The following RNF144A variants were observed in gnomAD, a reference collection of about 807,000 sequenced individuals.
RNF144A encodes the protein E3 ubiquitin-protein ligase RNF144A.
A neutral mutation model predicts 38.7 loss-of-function variants in RNF144A; 11 were observed. The observed-to-expected ratio is 0.28, with a 90% CI of 0.18 to 0.47. RNF144A has a LOEUF of 0.47. Ranked by LOEUF, RNF144A falls within the 20% of genes least tolerant of loss-of-function variation. The probability of loss-of-function intolerance (pLI) is 0.99; values close to 1 mark genes in which losing one functional copy is unlikely to be tolerated. For synonymous variants in RNF144A, 149 were observed against 143.9 expected (o/e 1.04, Z -0.25); for missense variants, 316 against 377.2 (o/e 0.84, Z 1.34).
chr2:6,942,620 T>C (rs1448480533), intron 2 of RNF144A, among the ~76,000 whole-genome samples: 1 of 152,158 alleles, frequency 6.6e-6, no homozygotes, highest in Non-Finnish European at 1.5e-5. Flanking sequence ...CACTTTAGTT[T>C]GAGTAACTAG....
At chr2:7,001,971 A>G (rs2103399140) in intron 3 of RNF144A, among the ~76,000 whole-genome samples, 1 of 152,338 alleles carries the variant, frequency 6.6e-6, no homozygotes, top group Admixed American at 6.5e-5. Context: ...ATGGGTATAA[A>G]GTATTGAGCA....
chr2:6,956,316 T>C (rs1666995366), intron 2 of RNF144A, among the ~76,000 whole-genome samples: 1 of 152,162 alleles, frequency 6.6e-6, no homozygotes, highest in Non-Finnish European at 1.5e-5. Context: ...GCTAGTCACC[T>C]TCGTCTGTAC....
chr2:7,072,604 C>T (rs968402467), downstream of RNF144A, among the ~76,000 whole-genome samples: 1 of 152,164 alleles, frequency 6.6e-6, no homozygotes, highest in African/African-American at 2.4e-5. Flanking sequence ...GTTTTATTTT[C>T]TCACTTATCC....
intron 1 of RNF144A, among the ~76,000 whole-genome samples, chr2:6,940,212 G>A (rs1665878248): frequency 6.6e-6 from 1 of 152,044 alleles, no homozygotes; most frequent in African/African-American, 2.4e-5. Flanking sequence ...CACGAACATG[G>A]GATGTCTATT....
At chr2:7,001,460 T>A (rs1670097199) in intron 3 of RNF144A, among the ~76,000 whole-genome samples, 1 of 152,174 alleles carries the variant, frequency 6.6e-6, no homozygotes, top group African/African-American at 2.4e-5. Context: ...GAGGACTGTT[T>A]GAGCTCAGGA....
At chr2:6,971,382 TC>T (rs1667991907) in intron 2 of RNF144A, among the ~76,000 whole-genome samples, 1 of 152,310 alleles carries the variant, frequency 6.6e-6, no homozygotes, top group East Asian at 1.9e-4. Context: ...ACGTGGTGAT[TC>T]CAGTCTTCTT....
chr2:6,969,869 C>T (rs1425094625), intron 2 of RNF144A, among the ~76,000 whole-genome samples: 1 of 152,204 alleles, frequency 6.6e-6, no homozygotes, highest in Non-Finnish European at 1.5e-5. Context: ...TCACATCATT[C>T]TCCTGCCTCA....
chr2:7,042,271 G>C lies in RNF144A; in HGVS notation c.*2511G>C. 14 of 985,462 alleles carry C rather than the reference G, an allele frequency of 1.4e-5. No individual in the cohort carries two copies. Among genetic ancestry groups the C allele is most frequent in the Non-Finnish European group, 1.7e-5 (14 of 829,952 alleles). The allele number at this position is 985,462 out of a possible 1,614,324, so 61.0% of individuals were successfully genotyped here. A position where few individuals can be genotyped will look rare whatever the true frequency, so the allele number is the denominator to read the frequency against. ...GTAAAATGGAAATAGCACACAGGCAGATGGCCCTGGGTTTGGACTTTGATC... is the reference window on the plus strand; with the variant it reads ...GTAAAATGGAAATAGCACACAGGCACATGGCCCTGGGTTTGGACTTTGATC... On this transcript the variant is annotated 3_prime_UTR_variant, in exon 9 of 9. Transcript: ENST00000320892.
At chr2:6,970,609 A>G (rs1667948220) in intron 2 of RNF144A, among the ~76,000 whole-genome samples, 1 of 152,214 alleles carries the variant, frequency 6.6e-6, no homozygotes, top group South Asian at 2.1e-4. Flanking sequence ...GGGCTATTCA[A>G]CTGGTACCAT....
At chr2:7,017,966 G>A (rs989276936) in intron 5 of RNF144A, among the ~76,000 whole-genome samples, 1 of 152,174 alleles carries the variant, frequency 6.6e-6, no homozygotes, top group Non-Finnish European at 1.5e-5. Flanking sequence ...GATTTAAATC[G>A]TTCCCATGGA....
chr2:6,927,089 GA>G (rs2103274343), intron 1 of RNF144A, among the ~76,000 whole-genome samples: 1 of 152,326 alleles, frequency 6.6e-6, no homozygotes, highest in Non-Finnish European at 1.5e-5. Context: ...GGTCCCGTGA[GA>G]TTGCCTGCTC....
intron 5 of RNF144A, among the ~76,000 whole-genome samples, 172 bp from the exon 6 acceptor site, chr2:7,020,301 G>A (rs140105604): frequency 1.2e-4 from 18 of 152,240 alleles, no homozygotes; most frequent in Admixed American, 2.6e-4. Flanking sequence ...GAGCTACAGC[G>A]GAGGTGGAGG....
chr2:6,958,938 A>G lies in RNF144A; in HGVS notation c.-12+17791A>G, dbSNP rs1022567010. On this transcript the variant is annotated intron_variant, in intron 2 of 8. Transcript: ENST00000320892. The surrounding 1 kb of genome is among the most constrained non-coding windows in gnomAD (Gnocchi z 4.5). ...TCTCTTTTACCCAGTGACTCCCTAAATGGTGCATTAGATCATCTTGCAGGT... is the reference window on the plus strand; with the variant it reads ...TCTCTTTTACCCAGTGACTCCCTAAGTGGTGCATTAGATCATCTTGCAGGT... Among the ~76,000 whole-genome samples the G allele has an allele frequency of 6.6e-6, 1 of 152,168 alleles. No homozygotes were observed. The highest frequency in any genetic ancestry group is 2.4e-5 in the African/African-American group (1 of 41,424).
intron 2 of RNF144A, among the ~76,000 whole-genome samples, chr2:6,985,077 A>G (rs1668863454): frequency 6.6e-6 from 1 of 152,258 alleles, no homozygotes; most frequent in Admixed American, 6.5e-5. Flanking sequence ...TAAACTTCAC[A>G]TAAGAAACAC....
At chr2:7,009,804 C>T (rs1670677104) in intron 3 of RNF144A, among the ~76,000 whole-genome samples, 1 of 152,190 alleles carries the variant, frequency 6.6e-6, no homozygotes, top group Admixed American at 6.5e-5. Flanking sequence ...GAGGACCCGG[C>T]TTGTATGGCC....
intron 2 of RNF144A, among the ~76,000 whole-genome samples, chr2:6,987,576 G>C (rs1310782415): frequency 1.3e-5 from 2 of 152,224 alleles, no homozygotes; most frequent in Non-Finnish European, 2.9e-5. Flanking sequence ...AATTATGGAT[G>C]CTGTCCTCTG....
At chr2:6,918,479 T>A (rs1018060941) in intron 1 of RNF144A, 1 of 152,236 alleles carries the variant, frequency 6.6e-6, no homozygotes, top group African/African-American at 2.4e-5. Context: ...TAATAATTTT[T>A]AAAATCCATT....
At chr2:7,023,407 C>A (rs530148874) in intron 6 of RNF144A, among the ~76,000 whole-genome samples, 1 of 152,238 alleles carries the variant, frequency 6.6e-6, no homozygotes, top group South Asian at 2.1e-4. Flanking sequence ...AATATATACC[C>A]ATACATGTGT....
At chr2:7,072,469 C>T (rs985713865), downstream of RNF144A, among the ~76,000 whole-genome samples, 5 of 152,202 alleles carry the variant, frequency 3.3e-5, no homozygotes, top group Admixed American at 2.6e-4. Context: ...CAAGAACTGC[C>T]TGTCAGGCTT....
Sources: allele counts gnomAD v4.1 joint callset (sites outside exome capture counted in the v4.1 genomes callset), GRCh38; gene constraint gnomAD v4.1.1; non-coding constraint Gnocchi (gnomAD v3.1); transcripts MANE v1.5; gene names NCBI Gene and HGNC (gene_info 2026-07-23, HGNC 2026-07-21).